C2orf80: variants seen among roughly 807,000 people sequenced by gnomAD.
The protein encoded by C2orf80 is uncharacterized protein C2orf80.
C2orf80 carries 28 observed loss-of-function variants against 30.2 expected under a neutral mutation model. That is an observed-to-expected ratio of 0.93 (90% CI 0.69 to 1.27). The LOEUF is 1.27. Ranked by LOEUF, C2orf80 falls within the 50% of genes most tolerant of loss-of-function variation. The probability of loss-of-function intolerance (pLI) is 0.00; values close to 1 mark genes in which losing one functional copy is unlikely to be tolerated. For synonymous variants in C2orf80, 80 were observed against 76.4 expected (o/e 1.05, Z -0.24); for missense variants, 220 against 231.0 (o/e 0.95, Z 0.31).
At chr2:208,186,796 G>A (rs545002644) in intron 2 of C2orf80, 150 bp downstream of exon 2, 124 of 708,256 alleles carry the variant, frequency 1.8e-4, no homozygotes, top group Non-Finnish European at 2.5e-4. Context: ...GCAGGAAACC[G>A]AGAGAGGCCA....
intron 6 of C2orf80, among the ~76,000 whole-genome samples, chr2:208,174,552 TCTCA>T (rs1426191857): frequency 2.6e-5 from 4 of 152,204 alleles, no homozygotes; most frequent in Non-Finnish European, 5.9e-5. Context: ...ATACGTGCAG[TCTCA>T]CTGAGTCCTC....
At chr2:208,177,125 A>ATATATATACATACATAGATAT (rs1559340957) in intron 6 of C2orf80, among the ~76,000 whole-genome samples, 1 of 143,708 alleles carries the variant, frequency 7.0e-6, no homozygotes, top group East Asian at 2.1e-4. Flanking sequence ...GCTCGATTTT[A>ATATATATACATACATAGATAT]TATATATACA....
At chr2:208,174,684 G>A (rs1380781326) in intron 6 of C2orf80, among the ~76,000 whole-genome samples, 4 of 152,246 alleles carry the variant, frequency 2.6e-5, no homozygotes, top group Admixed American at 2.0e-4. Flanking sequence ...CAGCTAGCAA[G>A]TGACAAAGCT....
intron 6 of C2orf80, among the ~76,000 whole-genome samples, chr2:208,175,211 CGGGGG>C (rs71412474): frequency 0.25 from 31,951 of 128,316 alleles, 5,622 homozygotes; most frequent in East Asian, 0.62. Flanking sequence ...ACTTGAACCC[CGGGGG>C]GGGGGGGGGC....
chr2:208,177,081 A>C (rs1397394360), intron 6 of C2orf80, among the ~76,000 whole-genome samples: 1 of 144,624 alleles, frequency 6.9e-6, no homozygotes, highest in Non-Finnish European at 1.5e-5. Context: ...GTATATAGAT[A>C]ATGTATACAT....
At chr2:208,174,685 T>G (rs1696220796) in intron 6 of C2orf80, among the ~76,000 whole-genome samples, 1 of 152,306 alleles carries the variant, frequency 6.6e-6, no homozygotes, top group South Asian at 2.1e-4. Context: ...AGCTAGCAAG[T>G]GACAAAGCTG....
chr2:208,173,344 G>T (rs1299629272), intron 6 of C2orf80, among the ~76,000 whole-genome samples: 3 of 152,100 alleles, frequency 2.0e-5, no homozygotes, highest in Non-Finnish European at 2.9e-5. Flanking sequence ...AAAACTCAAG[G>T]CTGGGTGTGG....
At chr2:208,188,333 G>A (rs772901122) in intron 1 of C2orf80, among the ~76,000 whole-genome samples, 2 of 152,032 alleles carry the variant, frequency 1.3e-5, no homozygotes, top group Non-Finnish European at 2.9e-5. Context: ...TTTGAAAATG[G>A]TACCATATAA....
chr2:208,166,386 T>C (rs992491143), intron 8 of C2orf80, among the ~76,000 whole-genome samples: 1 of 152,238 alleles, frequency 6.6e-6, no homozygotes, highest in African/African-American at 2.4e-5. Flanking sequence ...TTGTATATTA[T>C]TCTTGCAAAT....
At chr2:208,172,143 A>G in intron 6 of C2orf80, 68 bp from the exon 7 acceptor site, 1 of 1,218,954 alleles carries the variant, frequency 8.2e-7, no homozygotes, top group South Asian at 1.2e-5. Context: ...TGCTAGTCAC[A>G]GCATTTGGCC....
intron 1 of C2orf80, among the ~76,000 whole-genome samples, chr2:208,187,333 G>A (rs1364468094): frequency 6.6e-6 from 1 of 152,192 alleles, no homozygotes; most frequent in Non-Finnish European, 1.5e-5. Flanking sequence ...AATGGTTTGT[G>A]TAATAGCTGA....
In C2orf80 at chr2:208,165,436, T is replaced by C. The variant is rs1695853711; in HGVS notation, c.*371A>G. The C allele has an allele frequency of 5.5e-6, 1 of 180,714 alleles. No individual in the cohort carries two copies. Among genetic ancestry groups the C allele is most frequent in the African/African-American group, 2.4e-5 (1 of 42,246 alleles). 11.2% of individuals were successfully genotyped at this position (180,714 alleles called of 1,614,324 possible). On this transcript the variant is annotated 3_prime_UTR_variant, in exon 9 of 9. Transcript: ENST00000341287. ...GCAATCAATGACAGATTAATTTTAT[T>C]TTGGATTAACTCTTTGGAAATCTGC...
intron 7 of C2orf80, among the ~76,000 whole-genome samples, chr2:208,171,567 C>T (rs539483646): frequency 5.3e-5 from 8 of 152,214 alleles, no homozygotes; most frequent in Middle Eastern, 3.4e-3. Flanking sequence ...GTGATCTGCC[C>T]GCCTCGGCCT....
At chr2:208,184,171 C>T (rs1696645367) in intron 3 of C2orf80, among the ~76,000 whole-genome samples, 1 of 148,462 alleles carries the variant, frequency 6.7e-6, no homozygotes, top group South Asian at 2.2e-4. Flanking sequence ...TCCTAGGCCG[C>T]GGGGGCGCCC....
intron 4 of C2orf80, 103 bp from the exon 5 acceptor site, chr2:208,181,408 G>A: frequency 1.5e-6 from 1 of 669,804 alleles, no homozygotes. Context: ...ATGGCTGTGT[G>A]CTATCTGCTT....
intron 1 of C2orf80, among the ~76,000 whole-genome samples, chr2:208,189,286 C>G: frequency 6.6e-6 from 1 of 152,146 alleles, no homozygotes; most frequent in South Asian, 2.1e-4. Flanking sequence ...TGCATTGCTT[C>G]GTTGTTATGA....
intron 1 of C2orf80, 185 bp downstream of exon 1, chr2:208,189,768 C>T (rs976926512): frequency 3.3e-6 from 2 of 605,374 alleles, no homozygotes; most frequent in African/African-American, 3.8e-5. Context: ...CAGGCTTTAG[C>T]TGTTTCATAG....
chr2:208,187,178 C>T (rs1380882912), intron 1 of C2orf80, 117 bp from the exon 2 acceptor site: 2 of 553,120 alleles, frequency 3.6e-6, no homozygotes, highest in Non-Finnish European at 6.3e-6. Context: ...GCCTCTTACT[C>T]GGCAGGTTCA....
At chr2:208,175,146 C>T (rs973416489) in intron 6 of C2orf80, among the ~76,000 whole-genome samples, 1 of 148,008 alleles carries the variant, frequency 6.8e-6, no homozygotes, top group Non-Finnish European at 1.5e-5. Context: ...AGTAGCCGTG[C>T]GCAGTGGCGC....
Sources: allele counts gnomAD v4.1 joint callset (sites outside exome capture counted in the v4.1 genomes callset), GRCh38; gene constraint gnomAD v4.1.1; transcripts MANE v1.5; gene names NCBI Gene and HGNC (gene_info 2026-07-23, HGNC 2026-07-21).